Variants in BCLAF3 observed in about 807,000 individuals in gnomAD.
BCLAF3 encodes BCLAF1 and THRAP3 family member 3, also known as transient octamer binding factor 1.
BCLAF3 carries 24 observed loss-of-function variants against 51.2 expected under a neutral mutation model. That is an observed-to-expected ratio of 0.47 (90% confidence interval 0.34 to 0.66). The LOEUF (loss-of-function observed/expected upper bound fraction) is 0.66. Among genes scored for constraint, BCLAF3 ranks in the 30% least tolerant of loss-of-function variants. The pLI is 0.01. For missense variants in BCLAF3, 465 were observed against 525.1 expected, an observed-to-expected ratio of 0.89 and a Z score of 1.12; for synonymous variants, 152 against 176.6, an observed-to-expected ratio of 0.86 and a Z score of 1.10.
At chrX:19,935,061 G>A (rs2070706097) in intron 10 of BCLAF3, among the ~76,000 whole-genome samples, 1 of 109,987 alleles carries the variant, frequency 9.1e-6, no homozygotes, top group Admixed American at 9.7e-5. Flanking sequence ...GCACACGCCT[G>A]TAATCCCAGC....
At chrX:19,970,327 TG>T in intron 1 of BCLAF3, 29 bp from the exon 2 acceptor site, 1 of 1,174,555 alleles carries the variant, frequency 8.5e-7, no homozygotes, top group Admixed American at 2.2e-5. Context: ...TTAGCAGGTT[TG>T]TAGAAAGACC....
In BCLAF3 at chrX:19,933,462, C is replaced by CT. The variant is rs776616800; in HGVS notation, c.1950+2346dup. Among the ~76,000 whole-genome samples the CT allele has an allele frequency of 3.6e-4, 40 of 112,311 alleles. 2 individuals carry two copies. The highest frequency in any genetic ancestry group is 2.8e-3 in the East Asian group (10 of 3,601). ...TATTACAACGGAATAGTTAACAAAA[C>CT]TAAGCAGATTCTTCTTTTCACAATT... On this transcript the variant is annotated intron_variant, in intron 10 of 11. Transcript: ENST00000379682.
At chrX:19,920,426 A>G (rs2070106140) in intron 11 of BCLAF3, among the ~76,000 whole-genome samples, 1 of 111,427 alleles carries the variant, frequency 9.0e-6, no homozygotes, top group South Asian at 3.7e-4. Flanking sequence ...ATTTTAGAGC[A>G]TATGGATGGA....
In BCLAF3 at chrX:19,991,015, A is replaced by G. The variant is rs1358679257; in HGVS notation, c.-142T>C. ...CCCTCACTCTGCCGCCGCCTCCCAC[A>G]GCAGCGACACCCCAGCCACCTCTGC... On this transcript the variant is annotated 5_prime_UTR_variant, in exon 1 of 12. Transcript: ENST00000379682. Among the ~76,000 whole-genome samples the G allele has an allele frequency of 9.6e-6, 1 of 104,552 alleles. No individual in the cohort carries two copies. The highest frequency in any genetic ancestry group is 3.5e-5 in the African/African-American group (1 of 28,545). 90.8% of individuals were successfully genotyped at this position (104,552 alleles called of 115,157 possible).
intron 11 of BCLAF3, among the ~76,000 whole-genome samples, chrX:19,924,176 C>A (rs976527352): frequency 2.7e-5 from 3 of 111,442 alleles, no homozygotes; most frequent in Non-Finnish European, 5.6e-5. Context: ...AGGCAGCTGA[C>A]AATCTGGAGG....
At chrX:19,976,097 G>C in intron 1 of BCLAF3, among the ~76,000 whole-genome samples, 1 of 111,539 alleles carries the variant, frequency 9.0e-6, no homozygotes, top group Non-Finnish European at 1.9e-5. Context: ...CTCTAGCCTT[G>C]CATATCCAAC....
chrX:19,964,809 G>C (rs1420876503), intron 4 of BCLAF3, among the ~76,000 whole-genome samples: 1 of 110,951 alleles, frequency 9.0e-6, no homozygotes, highest in Non-Finnish European at 1.9e-5. Flanking sequence ...AGAATGCCCC[G>C]CATCCAAGAA....
chrX:19,932,158 T>A (rs1047026003), intron 10 of BCLAF3, among the ~76,000 whole-genome samples: 2 of 112,520 alleles, frequency 1.8e-5, no homozygotes, highest in African/African-American at 6.5e-5. Flanking sequence ...AACTTTATTA[T>A]CTGCAAATTT....
chrX:19,986,194 C>T (rs1217343510), intron 1 of BCLAF3, among the ~76,000 whole-genome samples: 1 of 111,122 alleles, frequency 9.0e-6, no homozygotes, highest in Non-Finnish European at 1.9e-5. Flanking sequence ...TAGACCTCTA[C>T]CAAATAAATT....
At chrX:19,946,380 C>A (rs945370209) in intron 8 of BCLAF3, among the ~76,000 whole-genome samples, 6 of 112,291 alleles carry the variant, frequency 5.3e-5, no homozygotes, top group African/African-American at 1.9e-4. Flanking sequence ...ACAGATGCTA[C>A]ATACAGAGGA....
chrX:19,926,677 T>C (rs759729245), intron 11 of BCLAF3, among the ~76,000 whole-genome samples: 2 of 111,188 alleles, frequency 1.8e-5, no homozygotes, highest in East Asian at 5.7e-4. Context: ...GAAGACACCA[T>C]GTACCAGAAA....
chrX:19,947,391 T>C (rs1320817298), intron 8 of BCLAF3, among the ~76,000 whole-genome samples: 9 of 112,529 alleles, frequency 8.0e-5, no homozygotes, highest in Non-Finnish European at 1.5e-4. Flanking sequence ...GGAAACTTAG[T>C]AACTCCAGTT....
intron 11 of BCLAF3, 145 bp downstream of exon 11, chrX:19,929,640 T>G (rs183432077): frequency 1.9e-6 from 1 of 539,092 alleles, no homozygotes; most frequent in East Asian, 3.9e-5. Context: ...CCTGAAGATC[T>G]TATTCAACTA....
chrX:19,917,463 C>T (rs1334674563), intron 11 of BCLAF3, 129 bp from the exon 12 acceptor site: 8 of 545,343 alleles, frequency 1.5e-5, no homozygotes, highest in Admixed American at 6.2e-5. Flanking sequence ...GAGATTCCCA[C>T]GAAGGCATGT....
intron 10 of BCLAF3, 119 bp downstream of exon 10, chrX:19,935,690 G>T (rs2070731868): frequency 5.3e-6 from 3 of 570,821 alleles, no homozygotes; most frequent in Non-Finnish European, 5.9e-6. Context: ...AGAAATACTA[G>T]TTTATAGCTA....
intron 8 of BCLAF3, among the ~76,000 whole-genome samples, chrX:19,938,338 C>T (rs1219718488): frequency 9.0e-6 from 1 of 111,579 alleles, no homozygotes. Flanking sequence ...GCCCTTTCTG[C>T]TCTGGCCCTT....
rs1241614070 is a variant in BCLAF3 at position 19,935,797 on chromosome X, A to G, written c.1950+12T>C. 1.7e-6 allele frequency: 2 copies of G among 1,182,964 alleles called. No individual in the cohort carries two copies. The highest frequency in any genetic ancestry group is 2.3e-4 in the Middle Eastern group (1 of 4,256). ...CCAAAGCTGGAATTAAATGGAAAAC[A>G]ACACTCAATACCTTAAAAGGTCTTA... is the stretch of plus-strand genomic sequence containing the variant. On this transcript the variant is annotated intron_variant, in intron 10 of 11. Coordinates refer to ENST00000379682, the MANE Select transcript of BCLAF3 (RefSeq NM_001367774.2).
At chrX:19,957,985 T>C (rs140919172) in intron 4 of BCLAF3, among the ~76,000 whole-genome samples, 176 of 111,835 alleles carry the variant, frequency 1.6e-3, no homozygotes, top group African/African-American at 5.3e-3. Context: ...AACAAGTTAA[T>C]AATTTCAGGA....
chrX:19,938,221 C>G (rs1442697417), intron 8 of BCLAF3, among the ~76,000 whole-genome samples: 2 of 110,807 alleles, frequency 1.8e-5, no homozygotes, highest in Non-Finnish European at 3.8e-5. Context: ...CTCTACAATG[C>G]TTCTCAGCCC....
Sources: gnomAD v4.1 joint callset for allele counts (sites outside exome capture counted in the v4.1 genomes callset) on GRCh38, gnomAD v4.1.1 for gene constraint, MANE v1.5 for transcripts, NCBI Gene and HGNC (gene_info 2026-07-23, HGNC 2026-07-21) for gene names.